AGAP2: variants seen among roughly 807,000 people sequenced by gnomAD.
AGAP2 encodes ArfGAP with GTPase domain, ankyrin repeat and PH domain 2, also known as arf-GAP with GTPase, ANK repeat and PH domain-containing protein 2.
Under a neutral mutation model 110.9 loss-of-function variants are expected in AGAP2, and 32 were observed. The observed-to-expected ratio is 0.29, with a 90% CI of 0.22 to 0.39. The LOEUF (loss-of-function observed/expected upper bound fraction) is 0.39. Ranked by LOEUF, AGAP2 falls within the 10% of genes least tolerant of loss-of-function variation. The pLI is 1.00. For synonymous variants in AGAP2, 702 were observed against 713.0 expected (o/e 0.98, Z 0.25); for missense variants, 1,285 against 1,638.5 (o/e 0.78, Z 3.72).
rs997147419 is a variant in AGAP2, at chr12:57,738,103, C to G, written c.144G>C (p.Glu48Asp). The change falls in exon 1 of 19, where the codon GAG (glutamate) becomes GAC (aspartate). Residue 48 changes from glutamate (E) to aspartate (D), a missense_variant. Glu to Asp is a conservative substitution (Grantham distance 45). Around this residue, in one of 7 missense-constraint regions of AGAP2, gnomAD observed 844 missense variants for 941.2 expected, o/e 0.90. Coordinates refer to ENST00000547588, the MANE Select transcript of AGAP2 (RefSeq NM_001122772.3). The surrounding 1 kb of genome is among the most constrained non-coding windows in gnomAD (Gnocchi z 6.7). ...CTCGGGGGCTGCCAGGATCCCCAGTCTCGGAGCCTCTGGCACCGGCGGCGC... is the reference window on the plus strand; with the variant it reads ...CTCGGGGGCTGCCAGGATCCCCAGTGTCGGAGCCTCTGGCACCGGCGGCGC... ...AAGAAGARGSETGDPGSPRGA... is the reference protein window; with the variant it reads ...AAGAAGARGSDTGDPGSPRGA... 8 of 1,522,960 alleles carry G rather than the reference C, an allele frequency of 5.3e-6. No individual in the cohort carries two copies. The highest frequency in any genetic ancestry group is 7.0e-6 in the Non-Finnish European group (8 of 1,140,792). 94.3% of individuals were successfully genotyped at this position (1,522,960 alleles called of 1,614,324 possible).
In AGAP2 at chr12:57,732,863, C is replaced by G; in HGVS notation, c.1666G>C (p.Asp556His). The G allele has an allele frequency of 6.2e-7, 1 of 1,614,016 alleles. No individual in the cohort carries two copies. Among genetic ancestry groups the G allele is most frequent in the South Asian group, 1.1e-5 (1 of 91,084 alleles). Reference protein sequence around the residue: ...ETCATYGLNVDRVFQEVAQKV... With the variant: ...ETCATYGLNVHRVFQEVAQKV... The stretch of plus-strand genomic sequence containing the variant: ...CACTCACCCTCCTGGAAGACCCGAT[C>G]CACATTGAGCCCATAGGTTGCACAA... The change falls in exon 6 of 19, where the codon GAT becomes CAT. Residue 556 changes from aspartate to histidine, a missense_variant. Around this residue, in one of 7 missense-constraint regions of AGAP2, gnomAD observed 844 missense variants for 941.2 expected, o/e 0.90. Coordinates refer to ENST00000547588, the MANE Select transcript of AGAP2 (RefSeq NM_001122772.3).
chr12:57,733,945 G>C (rs1009938519), intron 5 of AGAP2, 81 bp downstream of exon 5: 5 of 1,477,822 alleles, frequency 3.4e-6, no homozygotes, highest in Non-Finnish European at 4.5e-6. Flanking sequence ...ACCTTACCAA[G>C]TTCTCACCCA....
chr12:57,732,395 C>T lies in AGAP2; in HGVS notation c.1794+8G>A. The T allele has an allele frequency of 1.3e-6, 2 of 1,584,914 alleles. No individual in the cohort carries two copies. The highest frequency in any genetic ancestry group is 1.7e-6 in the Non-Finnish European group (2 of 1,164,342). ...GGCCCCTCTGCAGACTCTGAAACCC[C>T]AACTCACCTGGCCAGCTACCGGAGT... is the stretch of plus-strand genomic sequence containing the variant. On this transcript the variant is annotated splice_region_variant and intron_variant, in intron 7 of 18. Transcript: ENST00000547588.
rs1402735018 is a variant in AGAP2 at position 57,734,588 on chromosome 12, T to A, written c.1315+4A>T. 1 of 1,614,036 alleles carries A rather than the reference T, an allele frequency of 6.2e-7. No homozygotes were observed. Among genetic ancestry groups the A allele is most frequent in the Admixed American group, 1.7e-5 (1 of 60,014 alleles). ...TTAGCTTACTATGGCTCTTCAGAAC[T>A]CACTCTCTGTCTTCTCCAGCACCTG... On this transcript the variant is annotated splice_donor_region_variant and intron_variant, in intron 3 of 18. Transcript: ENST00000547588.
chr12:57,734,265 C>T (rs1232690489), intron 4 of AGAP2, 54 bp downstream of exon 4: 1 of 1,613,586 alleles, frequency 6.2e-7, no homozygotes, highest in South Asian at 1.1e-5. Flanking sequence ...AGAGCCCTCT[C>T]CTTTGGCCAG....
In AGAP2 at chr12:57,732,879, G is replaced by A; in HGVS notation, c.1650C>T (p.Thr550=). 3.1e-6 allele frequency: 5 copies of A among 1,614,088 alleles called. No homozygotes were observed. The highest frequency in any genetic ancestry group is 4.2e-6 in the Non-Finnish European group (5 of 1,180,032). The change falls in exon 6 of 19, where the codon ACC becomes ACT. Residue 550 remains threonine, a synonymous_variant. Coordinates refer to ENST00000547588, the MANE Select transcript of AGAP2 (RefSeq NM_001122772.3). ...KRCSYYETCA[T]YGLNVDRVFQ... ...AGACCCGATCCACATTGAGCCCATA[G>A]GTTGCACAAGTCTCATAGTAGCTGC... is the stretch of plus-strand genomic sequence containing the variant.
In AGAP2 at chr12:57,734,136, C is replaced by T. The variant is rs960715957; in HGVS notation, c.1439G>A (p.Ser480Asn). 33 of 1,612,968 alleles carry T rather than the reference C, an allele frequency of 2.0e-5. No individual in the cohort carries two copies. The highest frequency in any genetic ancestry group is 2.7e-5 in the Non-Finnish European group (32 of 1,179,406). Reference protein sequence around the residue: ...GWADAVIFVFSLEDENSFQAV... With the variant: ...GWADAVIFVFNLEDENSFQAV... ...CTGGAAACTGTTCTCATCCTCCAGG[C>T]TGAAGACGAAGATCACAGCATCTGC... The change falls in exon 5 of 19, where the codon AGC (serine) becomes AAC (asparagine). Residue 480 changes from serine (S) to asparagine (N), a missense_variant. Around this residue, in one of 7 missense-constraint regions of AGAP2, gnomAD observed 844 missense variants for 941.2 expected, o/e 0.90. Coordinates refer to ENST00000547588, the MANE Select transcript of AGAP2 (RefSeq NM_001122772.3).
rs1189067130 is a variant in AGAP2 at position 57,738,264 on chromosome 12, G to A, written c.-18C>T. 1.3e-6 allele frequency: 2 copies of A among 1,498,484 alleles called. No individual in the cohort carries two copies. The highest frequency in any genetic ancestry group is 2.5e-5 in the South Asian group (2 of 81,424). The allele number at this position is 1,498,484 out of a possible 1,614,324, so 92.8% of individuals were successfully genotyped here. The stretch of plus-strand genomic sequence containing the variant: ...CGGCTCATGGGGCCCGGAGACCCCC[G>A]AGCTGGGGAGGGGAGGGGACTCCCC... On this transcript the variant is annotated 5_prime_UTR_variant, in exon 1 of 19. Coordinates refer to ENST00000547588, the MANE Select transcript of AGAP2 (RefSeq NM_001122772.3). The surrounding 1 kb of genome is among the most constrained non-coding windows in gnomAD (Gnocchi z 6.7).
chr12:57,730,522 G>C lies in AGAP2; in HGVS notation c.2401C>G (p.Arg801Gly). 1 of 1,614,168 alleles carries C rather than the reference G, an allele frequency of 6.2e-7. No individual in the cohort carries two copies. Among genetic ancestry groups the C allele is most frequent in the Non-Finnish European group, 8.5e-7 (1 of 1,180,016 alleles). Residue 801 changes from arginine to glycine, a missense_variant, in exon 12 of 19, where the codon CGG (arginine) becomes GGG (glycine). By Grantham distance (125) the Arg-to-Gly change is moderately radical (BLOSUM62 -2). Around this residue, in one of 7 missense-constraint regions of AGAP2, gnomAD observed 135 missense variants for 182.0 expected, o/e 0.74. Transcript: ENST00000547588. ...GTGCTGAGGGCTCGGGCCAAATTCC[G>C]GTCTGGCTTCAGCAGGTGTTTGGAT... ...QTSKHLLKPD[R>G]NLARALSTDC...
intron 17 of AGAP2, 40 bp downstream of exon 17, chr12:57,727,320 C>G (rs750762841): frequency 1.2e-6 from 2 of 1,604,826 alleles, no homozygotes; most frequent in East Asian, 2.2e-5. Context: ...GTTCGCACAC[C>G]CTCAGCAACC....
upstream of AGAP2, among the ~76,000 whole-genome samples, chr12:57,739,030 A>T (rs150320930): frequency 3.3e-4 from 42 of 127,756 alleles, no homozygotes; most frequent in Non-Finnish European, 5.9e-4. Flanking sequence ...ACCAGCACCG[A>T]TGTCTGCGAG....
chr12:57,741,198 C>A (rs1250077602), upstream of AGAP2, among the ~76,000 whole-genome samples: 1 of 152,064 alleles, frequency 6.6e-6, no homozygotes, highest in Non-Finnish European at 1.5e-5. Flanking sequence ...CTGGGGTGGG[C>A]AGGAGGATGT....
intron 12 of AGAP2, 121 bp from the exon 13 acceptor site, chr12:57,729,888 C>T: frequency 7.2e-7 from 1 of 1,391,372 alleles, no homozygotes; most frequent in Admixed American, 2.4e-5. Flanking sequence ...TCAACTGTCC[C>T]TCTCCAGGAG....
Position 57,738,058 on chromosome 12 carries a change from C to T in AGAP2, c.189G>A (p.Lys63=). 1 of 1,523,582 alleles carries T rather than the reference C, an allele frequency of 6.6e-7. No individual in the cohort carries two copies. The highest frequency in any genetic ancestry group is 8.8e-7 in the Non-Finnish European group (1 of 1,141,152). The allele number at this position is 1,523,582 out of a possible 1,614,324, so 94.4% of individuals were successfully genotyped here. A position where few individuals can be genotyped will look rare whatever the true frequency, so the allele number is the denominator to read the frequency against. The change falls in exon 1 of 19, where the codon AAG becomes AAA. Residue 63 remains lysine (K), a synonymous_variant. Transcript: ENST00000547588. This position sits in a 1 kb window ranked among gnomAD's most constrained non-coding sequence, Gnocchi z 6.7. The stretch of plus-strand genomic sequence containing the variant: ...GGTGGAAGAGACGTTCGTGCCGCTT[C>T]TTGCCCGGCTCCTCCGCGCCTCGGG... ...GSPRGAEEPG[K]KRHERLFHRQ...
intron 14 of AGAP2, 82 bp downstream of exon 14, chr12:57,728,236 C>T (rs1291988601): frequency 1.2e-5 from 18 of 1,550,540 alleles, no homozygotes; most frequent in Middle Eastern, 1.8e-4. Flanking sequence ...GCAGGAAGCC[C>T]GAGCACATGC....
intron 14 of AGAP2, 44 bp from the exon 15 acceptor site, chr12:57,728,129 G>C: frequency 6.4e-7 from 1 of 1,559,188 alleles, no homozygotes; most frequent in Non-Finnish European, 8.7e-7. Flanking sequence ...CAGAGTTCAA[G>C]CAGGGGCTGC....
chr12:57,737,020 C>G lies in AGAP2; in HGVS notation c.1168+59G>C, dbSNP rs989648265. On this transcript the variant is annotated intron_variant, in intron 1 of 18. Transcript: ENST00000547588. This position sits in a 1 kb window ranked among gnomAD's most constrained non-coding sequence, Gnocchi z 5.9. ...GTTTCCTGGACCTCGCTCCTCCACC[C>G]CAAGCTGAGCATTCCAGGTACCCTT... 69 of 1,453,084 alleles carry G rather than the reference C, an allele frequency of 4.7e-5. No homozygotes were observed. Among genetic ancestry groups the G allele is most frequent in the Non-Finnish European group, 6.1e-5 (67 of 1,101,248 alleles). The allele number at this position is 1,453,084 out of a possible 1,614,324, so 90.0% of individuals were successfully genotyped here. A position where few individuals can be genotyped will look rare whatever the true frequency, so the allele number is the denominator to read the frequency against.
In AGAP2 at chr12:57,726,753, C is replaced by G. The variant is rs1954771344; in HGVS notation, c.3378G>C (p.Thr1126=). The change falls in exon 19 of 19, where the codon ACG becomes ACC. Residue 1126 remains threonine, a synonymous_variant. Transcript: ENST00000547588. This position sits in a 1 kb window ranked among gnomAD's most constrained non-coding sequence, Gnocchi z 5.7. The part of the protein sequence containing the change: ...DVAARDAQGR[T]ALFYARQAGS... Reference sequence around the variant, plus strand: ...CAGCCTGGCGGGCGTAGAACAGCGCCGTGCGGCCCTGGGCGTCACGGGCCG... The same window carrying G: ...CAGCCTGGCGGGCGTAGAACAGCGCGGTGCGGCCCTGGGCGTCACGGGCCG... The G allele has an allele frequency of 1.5e-6, 2 of 1,327,948 alleles. No homozygotes were observed. Among genetic ancestry groups the G allele is most frequent in the Non-Finnish European group, 1.9e-6 (2 of 1,042,568 alleles). The allele number at this position is 1,327,948 out of a possible 1,614,324, so 82.3% of individuals were successfully genotyped here. A position where few individuals can be genotyped will look rare whatever the true frequency, so the allele number is the denominator to read the frequency against.
rs903910833 is a variant in AGAP2 at position 57,726,028 on chromosome 12, C to T, written c.*524G>A. On this transcript the variant is annotated 3_prime_UTR_variant, in exon 19 of 19. Coordinates refer to ENST00000547588, the MANE Select transcript of AGAP2 (RefSeq NM_001122772.3). This position sits in a 1 kb window ranked among gnomAD's most constrained non-coding sequence, Gnocchi z 5.7. ...GTCCTGCCCCTCGCTGCCCTTGCCC[C>T]CTTCACTGGGCAGTGAGATGAGCAT... The T allele has an allele frequency of 1.3e-5, 2 of 152,194 alleles. No individual in the cohort carries two copies. The highest frequency in any genetic ancestry group is 2.9e-5 in the Non-Finnish European group (2 of 68,098). The allele number at this position is 152,194 out of a possible 1,614,324, so 9.4% of individuals were successfully genotyped here.
Sources: gnomAD v4.1 joint callset for allele counts (sites outside exome capture counted in the v4.1 genomes callset) on GRCh38, gnomAD v4.1.1 for gene constraint, gnomAD v4.1.1 regional missense constraint, Gnocchi (gnomAD v3.1) non-coding constraint, MANE v1.5 for transcripts, NCBI Gene and HGNC (gene_info 2026-07-23, HGNC 2026-07-21) for gene names.